Variants in ASXL3 observed in about 807,000 individuals in gnomAD.
ASXL3 encodes ASXL transcriptional regulator 3.
ASXL3 carries 34 observed loss-of-function variants against 170.6 expected under a neutral mutation model. The observed-to-expected ratio is 0.20, with a 90% CI of 0.15 to 0.27. The LOEUF (loss-of-function observed/expected upper bound fraction) is 0.27. Among genes scored for constraint, ASXL3 ranks in the 10% least tolerant of loss-of-function variants. ASXL3 has a pLI of 1.00. For missense variants in ASXL3, 2,592 were observed against 2,695.3 expected (o/e 0.96, Z 0.85); for synonymous variants, 1,002 against 989.1 (o/e 1.01, Z -0.24).
intron 1 of ASXL3, among the ~76,000 whole-genome samples, chr18:33,591,547 A>G (rs1376363163): frequency 6.6e-6 from 1 of 152,216 alleles, no homozygotes; most frequent in African/African-American, 2.4e-5. Context: ...TCCAGTAACT[A>G]AATAGGAATA....
chr18:33,649,839 G>C (rs1191097948), intron 4 of ASXL3, among the ~76,000 whole-genome samples: 2 of 152,094 alleles, frequency 1.3e-5, no homozygotes, highest in Non-Finnish European at 2.9e-5. Flanking sequence ...AGTGATATGA[G>C]AGTGGAATGC....
At chr18:33,726,768 T>C (rs368159100) in intron 8 of ASXL3, among the ~76,000 whole-genome samples, 3 of 152,164 alleles carry the variant, frequency 2.0e-5, no homozygotes, top group East Asian at 1.9e-4. Flanking sequence ...TCAGCTCTTA[T>C]CATTCTTTGG....
chr18:33,579,324 A>C (rs1599364932), intron 1 of ASXL3, among the ~76,000 whole-genome samples: 3 of 152,154 alleles, frequency 2.0e-5, no homozygotes, highest in South Asian at 4.2e-4. Context: ...TTGTGTGTAC[A>C]TTCTGTGCAC....
At position 33,744,362 on chromosome 18, in the gene ASXL3, T is replaced by C; in HGVS notation, c.4514T>C (p.Val1505Ala). Residue 1505 changes from valine (V) to alanine (A), a missense_variant, in exon 12 of 12, where the codon GTG (valine) becomes GCG (alanine). Val to Ala is a moderately conservative substitution (Grantham distance 64, BLOSUM62 0). Transcript: ENST00000269197. Reference protein sequence around the residue: ...EASLDLQGRPVRTEASVQPVA... With the variant: ...EASLDLQGRPARTEASVQPVA... ...AGCTTGGACCTGCAGGGCAGACCAG[T>C]GAGGACAGAGGCATCCGTACAGCCC... 1 of 1,613,948 alleles carries C rather than the reference T, an allele frequency of 6.2e-7. No homozygotes were observed. Among genetic ancestry groups the C allele is most frequent in the Non-Finnish European group, 8.5e-7 (1 of 1,179,852 alleles).
intron 5 of ASXL3, among the ~76,000 whole-genome samples, chr18:33,663,471 A>G (rs2066210053): frequency 6.6e-6 from 1 of 152,128 alleles, no homozygotes; most frequent in African/African-American, 2.4e-5. Flanking sequence ...GATTACTAAA[A>G]CATTACAAAA....
chr18:33,735,128 A>G (rs1222063212), intron 10 of ASXL3, among the ~76,000 whole-genome samples: 1 of 152,210 alleles, frequency 6.6e-6, no homozygotes, highest in Non-Finnish European at 1.5e-5. Context: ...AGAGGAACTT[A>G]TGCTCCAACT....
intron 8 of ASXL3, among the ~76,000 whole-genome samples, chr18:33,702,701 G>A (rs890016960): frequency 2.6e-5 from 4 of 152,118 alleles, no homozygotes; most frequent in African/African-American, 9.7e-5. Context: ...TAGGTTTTCA[G>A]TGGTCACAGT....
intron 1 of ASXL3, 139 bp from the exon 2 acceptor site, chr18:33,607,455 C>A: frequency 1.4e-6 from 1 of 695,556 alleles, no homozygotes; most frequent in Admixed American, 3.1e-5. Flanking sequence ...CTTTGGACAC[C>A]TGATCTGTAT....
intron 2 of ASXL3, among the ~76,000 whole-genome samples, chr18:33,630,392 T>G (rs2065660203): frequency 6.6e-6 from 1 of 151,982 alleles, no homozygotes; most frequent in African/African-American, 2.4e-5. Flanking sequence ...ATGGCTTTTT[T>G]TTTTCTAGAA....
chr18:33,610,770 T>A (rs549789393), intron 2 of ASXL3, among the ~76,000 whole-genome samples: 2 of 151,940 alleles, frequency 1.3e-5, no homozygotes, highest in Non-Finnish European at 2.9e-5. Flanking sequence ...AGTTAGAAGC[T>A]TCTTTTTGAC....
intron 8 of ASXL3, among the ~76,000 whole-genome samples, chr18:33,706,506 G>A (rs1159101392): frequency 6.6e-6 from 1 of 151,718 alleles, no homozygotes; most frequent in Non-Finnish European, 1.5e-5. Flanking sequence ...ATGGTATTCA[G>A]CATCCTTACG....
At chr18:33,652,500 A>G (rs1170681229) in intron 4 of ASXL3, among the ~76,000 whole-genome samples, 1 of 151,594 alleles carries the variant, frequency 6.6e-6, no homozygotes, top group East Asian at 1.9e-4. Flanking sequence ...CATTTTATCC[A>G]CAGAGATCAA....
chr18:33,593,342 C>G lies in ASXL3; in HGVS notation c.55-14252C>G, dbSNP rs560867512. On this transcript the variant is annotated intron_variant, in intron 1 of 11. Coordinates refer to ENST00000269197, the MANE Select transcript of ASXL3 (RefSeq NM_030632.3). ...CAGCAGATTATATTTCCCAGCCTGT[C>G]TGTCTCAGAGATTCCAGTCTATGTT... 7.8e-4 allele frequency among the ~76,000 whole-genome samples: 105 copies of G among 135,098 alleles called. No individual in the cohort carries two copies. In the South Asian group the frequency reaches 0.025, roughly 32 times the overall value. 88.6% of individuals were successfully genotyped at this position (135,098 alleles called of 152,430 possible). A position where few individuals can be genotyped will look rare whatever the true frequency, so the allele number is the denominator to read the frequency against.
At chr18:33,590,111 G>GTTTA (rs2065064549) in intron 1 of ASXL3, among the ~76,000 whole-genome samples, 1 of 83,184 alleles carries the variant, frequency 1.2e-5, no homozygotes, top group Non-Finnish European at 2.2e-5. Flanking sequence ...TGCTTTCTAT[G>GTTTA]TTTTTTTTTT....
At chr18:33,741,725 A>C (rs543416285) in intron 11 of ASXL3, among the ~76,000 whole-genome samples, 1 of 152,330 alleles carries the variant, frequency 6.6e-6, no homozygotes, top group East Asian at 1.9e-4. Flanking sequence ...TCTGGAGAAA[A>C]AGGAAACAGA....
chr18:33,728,118 T>TAA (rs2067379691), intron 8 of ASXL3, among the ~76,000 whole-genome samples: 1 of 152,184 alleles, frequency 6.6e-6, no homozygotes, highest in Non-Finnish European at 1.5e-5. Context: ...TATATGGAAC[T>TAA]AAACTTCTGT....
At chr18:33,610,198 CTG>C (rs1391297145) in intron 2 of ASXL3, among the ~76,000 whole-genome samples, 6 of 151,988 alleles carry the variant, frequency 3.9e-5, no homozygotes, top group African/African-American at 1.4e-4. Flanking sequence ...TGAAGTGTAA[CTG>C]TATGTATTTT....
chr18:33,698,298 G>A (rs1157098303), intron 8 of ASXL3, among the ~76,000 whole-genome samples: 2 of 152,070 alleles, frequency 1.3e-5, no homozygotes, highest in Non-Finnish European at 2.9e-5. Flanking sequence ...ACCTCTACTG[G>A]TGCCTTGATC....
chr18:33,728,717 T>C (rs531242158), intron 8 of ASXL3, among the ~76,000 whole-genome samples: 2 of 152,166 alleles, frequency 1.3e-5, no homozygotes, highest in Non-Finnish European at 2.9e-5. Context: ...CACCCAGTCA[T>C]AAATATATCT....
Sources: allele counts gnomAD v4.1 joint callset (sites outside exome capture counted in the v4.1 genomes callset), GRCh38; gene constraint gnomAD v4.1.1; transcripts MANE v1.5; gene names NCBI Gene and HGNC (gene_info 2026-07-23, HGNC 2026-07-21).